CELF2: variants seen among roughly 807,000 people sequenced by gnomAD.
CELF2 encodes CUG triplet repeat RNA-binding protein 2.
CELF2 carries 8 observed loss-of-function variants against 62.6 expected under a neutral mutation model. The ratio of observed to expected loss-of-function variants is 0.13; its 90% CI spans 0.07 to 0.23. CELF2 has a LOEUF of 0.23. Among genes scored for constraint, CELF2 ranks in the 10% least tolerant of loss-of-function variants. The probability of loss-of-function intolerance (pLI) is 1.00; values close to 1 mark genes in which losing one functional copy is unlikely to be tolerated. For synonymous variants in CELF2, 258 were observed against 250.0 expected, an observed-to-expected ratio of 1.03 and a Z score of -0.30; for missense variants, 333 against 671.0, an observed-to-expected ratio of 0.50 and a Z score of 5.56.
At chr10:10,976,315 A>G (rs1047083930) in intron 2 of CELF2, among the ~76,000 whole-genome samples, 1 of 152,222 alleles carries the variant, frequency 6.6e-6, no homozygotes, top group Non-Finnish European at 1.5e-5. Flanking sequence ...CCAAAGTTAC[A>G]CAGTGGGTGA....
the CELF2 span, among the ~76,000 whole-genome samples, chr10:10,575,401 A>C: frequency 6.6e-6 from 1 of 152,202 alleles, no homozygotes; most frequent in Non-Finnish European, 1.5e-5. Context: ...GTACTCACAA[A>C]ACTTGCTCTA....
chr10:10,775,613 CAA>C, the CELF2 span, among the ~76,000 whole-genome samples: 46,558 of 136,464 alleles, frequency 0.34, 7,302 homozygotes, highest in East Asian at 0.52. Context: ...GACTCTGTCT[CAA>C]AAAAAAAAAA....
chr10:10,835,054 A>G (rs2058166672), intron 1 of CELF2, among the ~76,000 whole-genome samples: 1 of 152,122 alleles, frequency 6.6e-6, no homozygotes, highest in African/African-American at 2.4e-5. Context: ...AGGCTGGAGT[A>G]TAAATTAGGG....
chr10:11,304,742 T>C lies in CELF2; in HGVS notation c.977-9397T>C, dbSNP rs147673424. On this transcript the variant is annotated intron_variant, in intron 9 of 12. Transcript: ENST00000633077. ...ATCACCTCTTAAAGGCCCTGCCACA[T>C]TGGGGATAAAGTTTCCAACATATGG... 4.3e-3 allele frequency among the ~76,000 whole-genome samples: 650 copies of C among 152,312 alleles called. 4 individuals carry two copies. The highest frequency in any genetic ancestry group is 0.015 in the African/African-American group (617 of 41,550).
At chr10:11,196,912 T>C (rs1178366056) in intron 2 of CELF2, among the ~76,000 whole-genome samples, 1 of 149,110 alleles carries the variant, frequency 6.7e-6, no homozygotes, top group Non-Finnish European at 1.5e-5. Context: ...TGAGCCGAGA[T>C]CGCACCACTG....
At chr10:10,508,794 G>A in the CELF2 span, among the ~76,000 whole-genome samples, 13 of 151,132 alleles carry the variant, frequency 8.6e-5, no homozygotes, top group South Asian at 2.1e-4. Context: ...CTCCGCCTCC[G>A]CCTTTCAAGT....
At chr10:10,903,464 AC>A (rs1026410463) in intron 1 of CELF2, among the ~76,000 whole-genome samples, 2 of 152,236 alleles carry the variant, frequency 1.3e-5, no homozygotes, top group Admixed American at 1.3e-4. Flanking sequence ...TGATGAAAAT[AC>A]AAATGTATGA....
intron 2 of CELF2, among the ~76,000 whole-genome samples, chr10:11,182,438 C>CTT (rs1186977112): frequency 6.6e-6 from 1 of 152,180 alleles, no homozygotes; most frequent in Non-Finnish European, 1.5e-5. Flanking sequence ...GTTTGGAACT[C>CTT]TAAGACAATG....
chr10:11,137,009 G>A (rs77424580), intron 1 of CELF2, among the ~76,000 whole-genome samples: 6,650 of 152,074 alleles, frequency 0.044, 162 homozygotes, highest in Middle Eastern at 0.048. Context: ...TTTTCAAAAT[G>A]CTATCTAATT....
At chr10:10,641,133 T>A in the CELF2 span, among the ~76,000 whole-genome samples, 1 of 152,192 alleles carries the variant, frequency 6.6e-6, no homozygotes, top group African/African-American at 2.4e-5. Flanking sequence ...CTTCCCACAG[T>A]CTGCACTCAT....
intron 9 of CELF2, among the ~76,000 whole-genome samples, chr10:11,294,083 A>C (rs1484614412): frequency 6.6e-6 from 1 of 152,228 alleles, no homozygotes; most frequent in Non-Finnish European, 1.5e-5. Context: ...CAAAACAATC[A>C]TATGAAGCAG....
the CELF2 span, among the ~76,000 whole-genome samples, chr10:10,672,719 T>G: frequency 6.6e-6 from 1 of 152,108 alleles, no homozygotes; most frequent in Non-Finnish European, 1.5e-5. Flanking sequence ...AGTCTTGAAG[T>G]TTGTAGTATC....
At position 11,075,881 on chromosome 10, in the gene CELF2, A is replaced by G. The variant is rs1564630087; in HGVS notation, c.74+57718A>G. On this transcript the variant is annotated intron_variant, in intron 1 of 12. Coordinates refer to ENST00000633077, the MANE Select transcript of CELF2 (RefSeq NM_001326342.2). The surrounding 1 kb of genome is among the most constrained non-coding windows in gnomAD (Gnocchi z 5.4). ...TAATCTCAATTAATTAAAATGTTTA[A>G]TAAACTGCCAACATCAGTATCTCAG... 6.6e-6 allele frequency among the ~76,000 whole-genome samples: 1 copy of G among 152,184 alleles called. No individual in the cohort carries two copies. The highest frequency in any genetic ancestry group is 6.5e-5 in the Admixed American group (1 of 15,276).
In CELF2 at chr10:11,314,044, C is replaced by T; in HGVS notation, c.977-95C>T. 7.7e-7 allele frequency: 1 copy of T among 1,290,604 alleles called. No homozygotes were observed. The allele number at this position is 1,290,604 out of a possible 1,614,324, so 79.9% of individuals were successfully genotyped here. A position where few individuals can be genotyped will look rare whatever the true frequency, so the allele number is the denominator to read the frequency against. On this transcript the variant is annotated intron_variant, in intron 9 of 12. Coordinates refer to ENST00000633077, the MANE Select transcript of CELF2 (RefSeq NM_001326342.2). The surrounding 1 kb of genome is among the most constrained non-coding windows in gnomAD (Gnocchi z 5.3). Reference sequence around the variant, plus strand: ...CAAAGCCACAAGCACAGCTCCTCAGCTCCGTCCACTGAGATGATGACAGAA... The same window carrying T: ...CAAAGCCACAAGCACAGCTCCTCAGTTCCGTCCACTGAGATGATGACAGAA...
chr10:11,099,128 A>G (rs957072115), intron 1 of CELF2, among the ~76,000 whole-genome samples: 1 of 152,210 alleles, frequency 6.6e-6, no homozygotes, highest in African/African-American at 2.4e-5. Context: ...GTTGGAAGGA[A>G]CTATTTGAAA....
At chr10:11,210,860 A>G (rs544212921) in intron 2 of CELF2, among the ~76,000 whole-genome samples, 11 of 152,216 alleles carry the variant, frequency 7.2e-5, no homozygotes, top group Non-Finnish European at 1.2e-4. Context: ...GAATTTGATC[A>G]TTGCGCTTTG....
intron 1 of CELF2, among the ~76,000 whole-genome samples, chr10:10,831,891 G>A (rs1210560147): frequency 6.6e-6 from 1 of 152,154 alleles, no homozygotes; most frequent in Non-Finnish European, 1.5e-5. Flanking sequence ...AGAATCACTT[G>A]GACCCGGGAG....
At chr10:11,185,561 C>A (rs10437547) in intron 2 of CELF2, among the ~76,000 whole-genome samples, 1 of 152,052 alleles carries the variant, frequency 6.6e-6, no homozygotes, top group Middle Eastern at 3.4e-3. Context: ...ATTACAGCCA[C>A]GCGCCAACAT....
At chr10:10,941,904 G>T (rs2047089547) in intron 2 of CELF2, among the ~76,000 whole-genome samples, 1 of 148,272 alleles carries the variant, frequency 6.7e-6, no homozygotes, top group African/African-American at 2.5e-5. Context: ...TGGGGCAGAA[G>T]AATTGATTGA....
Sources: gnomAD v4.1 joint callset for allele counts (sites outside exome capture counted in the v4.1 genomes callset) on GRCh38, gnomAD v4.1.1 for gene constraint, Gnocchi (gnomAD v3.1) non-coding constraint, MANE v1.5 for transcripts, NCBI Gene and HGNC (gene_info 2026-07-23, HGNC 2026-07-21) for gene names.